NEBL: variants seen among roughly 807,000 people sequenced by gnomAD.
NEBL encodes nebulette, also known as LIM and SH3 protein 2.
In NEBL, 122 loss-of-function variants were observed where a neutral mutation model predicts 140.2. The ratio of observed to expected loss-of-function variants is 0.87; its 90% CI spans 0.75 to 1.01. NEBL has a LOEUF of 1.01. NEBL is among the 50% of genes least tolerant of loss of function. The probability of loss-of-function intolerance (pLI) is 0.00; values close to 1 mark genes in which losing one functional copy is unlikely to be tolerated. For synonymous variants in NEBL, 436 were observed against 398.9 expected, an observed-to-expected ratio of 1.09 and a Z score of -1.11; for missense variants, 1,365 against 1,231.3, an observed-to-expected ratio of 1.11 and a Z score of -1.62.
chr10:21,186,605 T>C (rs1290045329), intron 3 of NEBL, among the ~76,000 whole-genome samples: 2 of 152,082 alleles, frequency 1.3e-5, no homozygotes, highest in Admixed American at 1.3e-4. Context: ...TGGCTTAGAA[T>C]GTGGCCCAAC....
chr10:21,182,612 C>G (rs2132206633), intron 3 of NEBL, among the ~76,000 whole-genome samples: 1 of 152,286 alleles, frequency 6.6e-6, no homozygotes, highest in South Asian at 2.1e-4. Context: ...GAAGAAAGCT[C>G]TGAGACTTAG....
intron 4 of NEBL, among the ~76,000 whole-genome samples, chr10:20,905,532 A>C (rs764860551): frequency 6.6e-5 from 10 of 152,142 alleles, no homozygotes; most frequent in South Asian, 2.1e-4. Context: ...CATGTGGGAA[A>C]CTGCCCCCAT....
chr10:21,192,190 T>G (rs1371361931), intron 3 of NEBL, among the ~76,000 whole-genome samples: 1 of 148,874 alleles, frequency 6.7e-6, no homozygotes, highest in African/African-American at 2.6e-5. Context: ...TTGATAGACT[T>G]TTTTTTTCTT....
At chr10:21,159,119 T>C (rs181414557) in intron 2 of NEBL, among the ~76,000 whole-genome samples, 154 of 152,344 alleles carry the variant, frequency 1.0e-3, no homozygotes, top group African/African-American at 3.6e-3. Context: ...TCCACCCTTT[T>C]TTTAAAGATG....
intron 1 of NEBL, among the ~76,000 whole-genome samples, chr10:21,252,912 A>G (rs1442868348): frequency 6.6e-6 from 1 of 152,246 alleles, no homozygotes; most frequent in East Asian, 1.9e-4. Context: ...CTAAGATTAC[A>G]CCACTGCACT....
At chr10:21,108,967 C>T (rs1362995164) in intron 2 of NEBL, among the ~76,000 whole-genome samples, 1 of 152,176 alleles carries the variant, frequency 6.6e-6, no homozygotes, top group Non-Finnish European at 1.5e-5. Flanking sequence ...GACTTCCTCT[C>T]TTCCTATTGG....
chr10:21,154,531 G>A (rs903376612), intron 2 of NEBL, among the ~76,000 whole-genome samples: 3 of 151,706 alleles, frequency 2.0e-5, no homozygotes, highest in Admixed American at 6.6e-5. Flanking sequence ...TGTGCTCGTG[G>A]GTCTCAATAA....
intron 13 of NEBL, 144 bp downstream of exon 13, chr10:20,840,595 T>A: frequency 1.5e-6 from 1 of 647,168 alleles, no homozygotes; most frequent in Non-Finnish European, 2.7e-6. Context: ...AAATTAATAG[T>A]CCAAGAAAAG....
In NEBL at chr10:20,969,367, A is replaced by G. The variant is rs76634629; in HGVS notation, c.250-7588T>C. 4.4e-3 allele frequency among the ~76,000 whole-genome samples: 674 copies of G among 151,992 alleles called. 7 individuals are homozygous for G. The highest frequency in any genetic ancestry group is 0.016 in the African/African-American group (647 of 41,532). On this transcript the variant is annotated intron_variant, in intron 3 of 6. Coordinates refer to the NEBL transcript ENST00000417816. ...CATAGATTTCTAAGCTTTCAATTAAACTTCCACTGCATTCCCAGAGGCTCT... is the reference window on the plus strand; with the variant it reads ...CATAGATTTCTAAGCTTTCAATTAAGCTTCCACTGCATTCCCAGAGGCTCT...
chr10:21,030,305 A>G, intron 2 of NEBL: 1 of 655,944 alleles, frequency 1.5e-6, no homozygotes. Context: ...GGAACGGTGG[A>G]GGACAGGAAG....
intron 3 of NEBL, among the ~76,000 whole-genome samples, chr10:21,203,871 C>G (rs1372389014): frequency 1.3e-5 from 2 of 152,294 alleles, no homozygotes; most frequent in Middle Eastern, 6.8e-3. Flanking sequence ...CAGGCAGGTA[C>G]TATTGCCCAC....
rs1194195981 is a variant in NEBL, at chr10:21,185,139, G to C, written n.349-12662C>G. On this transcript the variant is annotated intron_variant and non_coding_transcript_variant, in intron 3 of 8. Coordinates refer to the NEBL transcript ENST00000675702. ...CTCCATTAGAGAAAAAAGGAACCAA[G>C]AGAAAGTAATGACCAGTCCTCAGGA... is the stretch of plus-strand genomic sequence containing the variant. 3.3e-5 allele frequency among the ~76,000 whole-genome samples: 5 copies of C among 152,190 alleles called. No homozygotes were observed. The East Asian group carries it at 9.6e-4, about 29-fold the overall frequency.
chr10:21,154,458 CA>C (rs368260076), intron 2 of NEBL, among the ~76,000 whole-genome samples: 215 of 117,644 alleles, frequency 1.8e-3, no homozygotes, highest in Middle Eastern at 5.0e-3. Context: ...GACTCTGCTT[CA>C]AAAAAAAAAA....
chr10:21,136,306 T>C (rs1376946517), intron 2 of NEBL, among the ~76,000 whole-genome samples: 4 of 152,190 alleles, frequency 2.6e-5, no homozygotes, highest in Non-Finnish European at 5.9e-5. Context: ...ACTGTTGAAA[T>C]CCAAGGACTG....
At chr10:20,986,641 C>T (rs1230755761) in intron 3 of NEBL, among the ~76,000 whole-genome samples, 1 of 152,148 alleles carries the variant, frequency 6.6e-6, no homozygotes, top group Non-Finnish European at 1.5e-5. Context: ...CACACATGTA[C>T]AATTTATAGG....
intron 2 of NEBL, among the ~76,000 whole-genome samples, chr10:21,042,064 C>T (rs547043043): frequency 2.0e-5 from 3 of 152,278 alleles, no homozygotes; most frequent in African/African-American, 7.2e-5. Context: ...GTGACTGTAT[C>T]TTGTGCCGAC....
chr10:21,292,314 C>A (rs11012644), intron 1 of NEBL, among the ~76,000 whole-genome samples: 16,857 of 152,022 alleles, frequency 0.11, 1,012 homozygotes, highest in South Asian at 0.19. Context: ...ATCAAGTTGG[C>A]CATTAAAGGG....
At chr10:21,012,899 T>G (rs2131744767) in intron 3 of NEBL, among the ~76,000 whole-genome samples, 1 of 152,234 alleles carries the variant, frequency 6.6e-6, no homozygotes, top group Admixed American at 6.5e-5. Context: ...TTTCCAGGCC[T>G]TGGGAAACAG....
intron 2 of NEBL, among the ~76,000 whole-genome samples, chr10:20,891,566 C>A (rs142636682): frequency 6.6e-4 from 100 of 152,290 alleles, no homozygotes; most frequent in African/African-American, 2.3e-3. Context: ...GTGGCTACAG[C>A]CTCCTGATAA....
Sources: gnomAD v4.1 joint callset for allele counts (sites outside exome capture counted in the v4.1 genomes callset) on GRCh38, gnomAD v4.1.1 for gene constraint, MANE v1.5 for transcripts, NCBI Gene and HGNC (gene_info 2026-07-23, HGNC 2026-07-21) for gene names.